DNAH6: variants seen among roughly 807,000 people sequenced by gnomAD.
DNAH6 encodes axonemal beta dynein heavy chain 6.
A neutral mutation model predicts 491.4 loss-of-function variants in DNAH6; 340 were observed. The observed-to-expected ratio is 0.69, with a 90% CI of 0.63 to 0.76. The LOEUF (loss-of-function observed/expected upper bound fraction) is 0.76. DNAH6 is among the 30% of genes least tolerant of loss of function. DNAH6 has a pLI of 0.00. For synonymous variants in DNAH6, 1,603 were observed against 1,686.1 expected, an observed-to-expected ratio of 0.95 and a Z score of 1.21; for missense variants, 4,443 against 4,972.2, an observed-to-expected ratio of 0.89 and a Z score of 3.20.
chr2:84,728,134 C>A (rs1698814309), intron 61 of DNAH6, among the ~76,000 whole-genome samples: 1 of 152,340 alleles, frequency 6.6e-6, no homozygotes, highest in South Asian at 2.1e-4. Flanking sequence ...TTCATTCTCA[C>A]TTGCCTGCTG....
intron 70 of DNAH6, among the ~76,000 whole-genome samples, chr2:84,801,663 C>G (rs191349437): frequency 6.6e-6 from 1 of 151,984 alleles, no homozygotes; most frequent in Non-Finnish European, 1.5e-5. Flanking sequence ...GCAAGTGGTT[C>G]GCCTCAGCTC....
intron 42 of DNAH6, among the ~76,000 whole-genome samples, chr2:84,684,103 C>G (rs1176985755): frequency 6.6e-6 from 1 of 152,198 alleles, no homozygotes; most frequent in East Asian, 1.9e-4. Flanking sequence ...GCTGGCACAC[C>G]ATCCTTGCCA....
chr2:84,745,348 C>A, intron 63 of DNAH6, 99 bp downstream of exon 63: 1 of 977,840 alleles, frequency 1.0e-6, no homozygotes, highest in Non-Finnish European at 1.4e-6. Context: ...GTAACAATGG[C>A]CAAGTTTGGG....
intron 4 of DNAH6, among the ~76,000 whole-genome samples, chr2:84,531,851 A>G (rs1677207531): frequency 6.6e-6 from 1 of 152,058 alleles, no homozygotes; most frequent in Non-Finnish European, 1.5e-5. Flanking sequence ...ACCCTTAATA[A>G]TATTGTCATT....
At chr2:84,553,809 G>C (rs1679758994) in intron 10 of DNAH6, among the ~76,000 whole-genome samples, 1 of 151,842 alleles carries the variant, frequency 6.6e-6, no homozygotes, top group Non-Finnish European at 1.5e-5. Flanking sequence ...AGGTATGCTG[G>C]AACTGAGAGA....
chr2:84,756,767 C>T (rs184043798), intron 63 of DNAH6, among the ~76,000 whole-genome samples: 11 of 152,284 alleles, frequency 7.2e-5, no homozygotes, highest in Admixed American at 1.3e-4. Flanking sequence ...AAAAAGTATT[C>T]CTCTGAAGCC....
At chr2:84,577,748 A>G (rs1341515291) in intron 13 of DNAH6, among the ~76,000 whole-genome samples, 1 of 152,182 alleles carries the variant, frequency 6.6e-6, no homozygotes, top group Non-Finnish European at 1.5e-5. Context: ...GACCACCGAG[A>G]TCAAGTTTAG....
the DNAH6 span, among the ~76,000 whole-genome samples, chr2:84,500,191 T>G: frequency 2.0e-5 from 3 of 152,164 alleles, no homozygotes; most frequent in Non-Finnish European, 4.4e-5. Flanking sequence ...TCTAATCCAT[T>G]TTTATTTGAT....
At chr2:84,694,861 A>C (rs1695225929) in intron 46 of DNAH6, among the ~76,000 whole-genome samples, 1 of 152,192 alleles carries the variant, frequency 6.6e-6, no homozygotes, top group South Asian at 2.1e-4. Flanking sequence ...CTTTTGGGTT[A>C]AATTACCTTT....
At chr2:84,656,002 T>G (rs999571378) in intron 35 of DNAH6, among the ~76,000 whole-genome samples, 3 of 152,172 alleles carry the variant, frequency 2.0e-5, no homozygotes, top group Non-Finnish European at 4.4e-5. Flanking sequence ...ATCTTTTTAC[T>G]ATCTCTGTAG....
chr2:84,660,172 A>G (rs1691364426), intron 37 of DNAH6, among the ~76,000 whole-genome samples: 1 of 152,140 alleles, frequency 6.6e-6, no homozygotes, highest in Non-Finnish European at 1.5e-5. Context: ...AAAATAGTTG[A>G]TTTCAAGACT....
chr2:84,591,565 A>G (rs567269135), intron 16 of DNAH6, among the ~76,000 whole-genome samples: 1 of 152,290 alleles, frequency 6.6e-6, no homozygotes, highest in Admixed American at 6.5e-5. Flanking sequence ...TGCAATCCTT[A>G]CCAATTTCCC....
chr2:84,551,271 A>G (rs1054029952), intron 9 of DNAH6, among the ~76,000 whole-genome samples: 1 of 152,190 alleles, frequency 6.6e-6, no homozygotes, highest in African/African-American at 2.4e-5. Flanking sequence ...AATAGTATCA[A>G]AATTTTAAAA....
chr2:84,614,010 T>TTTTATTTATTTATTTA (rs57645053), intron 22 of DNAH6, among the ~76,000 whole-genome samples: 1 of 151,246 alleles, frequency 6.6e-6, no homozygotes, highest in Admixed American at 6.6e-5. Flanking sequence ...TGCCATTCCA[T>TTTTATTTATTTATTTA]TTTATTTATT....
chr2:84,716,109 G>GTA (rs1322968538), intron 58 of DNAH6, among the ~76,000 whole-genome samples: 14 of 147,714 alleles, frequency 9.5e-5, no homozygotes, highest in African/African-American at 2.3e-4. Flanking sequence ...ATATATGTGT[G>GTA]TATATATATA....
At chr2:84,516,307 G>A (rs118042779), upstream of DNAH6, 2,235 of 152,366 alleles carry the variant, frequency 0.015, 36 homozygotes, top group Middle Eastern at 0.091. Context: ...GCGCAGAGGA[G>A]GAACCAGGCT....
chr2:84,506,648 CTA>C, the DNAH6 span, among the ~76,000 whole-genome samples: 1 of 152,178 alleles, frequency 6.6e-6, no homozygotes, highest in Non-Finnish European at 1.5e-5. Flanking sequence ...TTGCCCATGC[CTA>C]TGTCCTGAAT....
intron 65 of DNAH6, among the ~76,000 whole-genome samples, chr2:84,783,905 A>G (rs1178141492): frequency 6.6e-6 from 1 of 152,212 alleles, no homozygotes; most frequent in African/African-American, 2.4e-5. Flanking sequence ...GGAAGATAGC[A>G]ATTTTAAGTG....
At chr2:84,760,826 A>G (rs1163013531) in intron 63 of DNAH6, among the ~76,000 whole-genome samples, 1 of 152,120 alleles carries the variant, frequency 6.6e-6, no homozygotes, top group Non-Finnish European at 1.5e-5. Flanking sequence ...GCTCACTGCA[A>G]TCGCAAATTT....
Sources: gnomAD v4.1 joint callset for allele counts (sites outside exome capture counted in the v4.1 genomes callset) on GRCh38, gnomAD v4.1.1 for gene constraint, MANE v1.5 for transcripts, NCBI Gene and HGNC (gene_info 2026-07-23, HGNC 2026-07-21) for gene names.